Variants in CPQ observed in about 807,000 individuals in gnomAD.
CPQ encodes the protein carboxypeptidase Q, also known as Ser-Met dipeptidase.
Under a neutral mutation model 45.7 loss-of-function variants are expected in CPQ, and 37 were observed. The ratio of observed to expected loss-of-function variants is 0.81; its 90% CI spans 0.62 to 1.07. CPQ has a LOEUF of 1.07. CPQ is among the 50% of genes least tolerant of loss of function. The probability of loss-of-function intolerance (pLI) is 0.00; values close to 1 mark genes in which losing one functional copy is unlikely to be tolerated. For synonymous variants in CPQ, 186 were observed against 205.8 expected (o/e 0.90, Z 0.82); for missense variants, 537 against 572.9 (o/e 0.94, Z 0.64).
intron 4 of CPQ, among the ~76,000 whole-genome samples, chr8:96,911,727 G>A (rs909405711): frequency 6.6e-6 from 1 of 152,148 alleles, no homozygotes; most frequent in East Asian, 1.9e-4. Context: ...ACCATGTATA[G>A]AAAACCATGC....
At chr8:96,739,718 A>C (rs1230283675) in intron 1 of CPQ, among the ~76,000 whole-genome samples, 2 of 150,922 alleles carry the variant, frequency 1.3e-5, no homozygotes, top group Non-Finnish European at 3.0e-5. Flanking sequence ...TTAAATAGGG[A>C]ATCCTTTCCC....
chr8:96,892,654 A>G (rs1350592996), intron 4 of CPQ, among the ~76,000 whole-genome samples: 1 of 152,136 alleles, frequency 6.6e-6, no homozygotes, highest in Non-Finnish European at 1.5e-5. Flanking sequence ...AGCATGAGAC[A>G]TTTCATTGTT....
At chr8:96,860,232 A>G (rs1811907967) in intron 3 of CPQ, among the ~76,000 whole-genome samples, 1 of 152,152 alleles carries the variant, frequency 6.6e-6, no homozygotes, top group African/African-American at 2.4e-5. Context: ...ACAAGAGTTT[A>G]ACACATTTTC....
chr8:96,682,524 C>A lies in CPQ; in HGVS notation c.-35+37122C>A, dbSNP rs147540966. Among the ~76,000 whole-genome samples, 1,254 of 152,276 alleles carry A rather than the reference C, an allele frequency of 8.2e-3. 21 individuals carry two copies. Among genetic ancestry groups the A allele is most frequent in the African/African-American group, 0.028 (1,158 of 41,544 alleles). On this transcript the variant is annotated intron_variant, in intron 1 of 7. Transcript: ENST00000220763. ...TGCCTAGTCTTGGGTATGTCTTTAT[C>A]AGCAGCATGAAAATGGGCTAATACA...
chr8:96,673,175 A>T (rs1272465800), intron 1 of CPQ, among the ~76,000 whole-genome samples: 1 of 152,188 alleles, frequency 6.6e-6, no homozygotes, highest in Non-Finnish European at 1.5e-5. Flanking sequence ...CAAAACACAC[A>T]CAAAGCAATG....
rs780393798 is a variant in CPQ at position 97,029,399 on chromosome 8, C to CA, written c.962-4_962-3insA. ...ATCACTTTTTTATTTTATTATTTTC[C>CA]CAGGGCTGCGTCCAAAGAGGACTCT... On this transcript the variant is annotated splice_polypyrimidine_tract_variant and splice_region_variant and intron_variant, in intron 5 of 7. Coordinates refer to ENST00000220763, the MANE Select transcript of CPQ (RefSeq NM_016134.4). 1 of 1,595,160 alleles carries CA rather than the reference C, an allele frequency of 6.3e-7. No individual in the cohort carries two copies. Among genetic ancestry groups the CA allele is most frequent in the East Asian group, 2.3e-5 (1 of 44,404 alleles).
intron 5 of CPQ, among the ~76,000 whole-genome samples, chr8:97,003,359 G>T (rs1273994704): frequency 6.6e-6 from 1 of 152,070 alleles, no homozygotes; most frequent in Non-Finnish European, 1.5e-5. Context: ...TCACTGGTCT[G>T]TGTATTTCAG....
intron 7 of CPQ, among the ~76,000 whole-genome samples, chr8:97,102,626 A>T (rs1040352430): frequency 6.6e-6 from 1 of 152,136 alleles, no homozygotes; most frequent in Non-Finnish European, 1.5e-5. Context: ...ACCTATCTAC[A>T]TGTCAGTAAA....
At chr8:96,768,693 AC>A (rs1810499837) in intron 1 of CPQ, among the ~76,000 whole-genome samples, 1 of 152,150 alleles carries the variant, frequency 6.6e-6, no homozygotes, top group Non-Finnish European at 1.5e-5. Flanking sequence ...TGCCTGTTTG[AC>A]AGGTTTAATA....
At chr8:97,027,010 T>C (rs1169730128) in intron 5 of CPQ, among the ~76,000 whole-genome samples, 4 of 152,178 alleles carry the variant, frequency 2.6e-5, no homozygotes, top group African/African-American at 7.2e-5. Context: ...TGCGGAGATA[T>C]GTAAAAAAAA....
intron 1 of CPQ, among the ~76,000 whole-genome samples, chr8:96,749,677 C>T (rs914139796): frequency 5.3e-5 from 8 of 152,070 alleles, no homozygotes; most frequent in African/African-American, 9.7e-5. Flanking sequence ...AATTCAAGGA[C>T]ACAGTAGTCA....
At chr8:96,962,849 A>C (rs1813483787) in intron 4 of CPQ, among the ~76,000 whole-genome samples, 1 of 152,180 alleles carries the variant, frequency 6.6e-6, no homozygotes, top group South Asian at 2.1e-4. Context: ...CTAGTTTTAA[A>C]TCAATAGATA....
intron 4 of CPQ, among the ~76,000 whole-genome samples, chr8:96,915,710 A>G (rs1812724609): frequency 6.6e-6 from 1 of 151,952 alleles, no homozygotes; most frequent in Admixed American, 6.6e-5. Flanking sequence ...TCTGTCCTCT[A>G]TTTCAGGATG....
chr8:96,645,941 T>C (rs1385375310), intron 1 of CPQ, among the ~76,000 whole-genome samples: 1 of 150,992 alleles, frequency 6.6e-6, no homozygotes, highest in Non-Finnish European at 1.5e-5. Flanking sequence ...GACTTAGGAC[T>C]CAGAGCTACT....
intron 3 of CPQ, among the ~76,000 whole-genome samples, chr8:96,840,512 G>C (rs964263687): frequency 1.3e-5 from 2 of 152,172 alleles, no homozygotes; most frequent in African/African-American, 4.8e-5. Flanking sequence ...CGTTGTATCA[G>C]AAAAGCTAAG....
At chr8:96,773,800 C>A (rs1810575241) in intron 1 of CPQ, among the ~76,000 whole-genome samples, 1 of 152,110 alleles carries the variant, frequency 6.6e-6, no homozygotes, top group Admixed American at 6.6e-5. Context: ...GTGGCTGCAT[C>A]CTTTGGAGGG....
chr8:96,671,117 T>C (rs4496936), intron 1 of CPQ, among the ~76,000 whole-genome samples: 1 of 152,212 alleles, frequency 6.6e-6, no homozygotes, highest in Admixed American at 6.5e-5. Flanking sequence ...ACATAAAAAC[T>C]GTAATTTAAA....
chr8:96,995,216 A>G (rs1809157772), intron 5 of CPQ, among the ~76,000 whole-genome samples: 1 of 152,110 alleles, frequency 6.6e-6, no homozygotes, highest in East Asian at 1.9e-4. Flanking sequence ...AATAATACTT[A>G]TAAGATTGTT....
At chr8:96,917,628 A>T (rs140289232) in intron 4 of CPQ, among the ~76,000 whole-genome samples, 2 of 152,140 alleles carry the variant, frequency 1.3e-5, no homozygotes, top group East Asian at 3.9e-4. Context: ...CATTACACCT[A>T]GAGTGTCATT....
Sources: allele counts gnomAD v4.1 joint callset (sites outside exome capture counted in the v4.1 genomes callset), GRCh38; gene constraint gnomAD v4.1.1; transcripts MANE v1.5; gene names NCBI Gene and HGNC (gene_info 2026-07-23, HGNC 2026-07-21).